The following IMMP2L variants were observed in gnomAD, a reference collection of about 807,000 sequenced individuals.
The protein encoded by IMMP2L is inner mitochondrial membrane peptidase subunit 2, also known as mitochondrial inner membrane protease subunit 2.
Under a neutral mutation model 19.3 loss-of-function variants are expected in IMMP2L, and 18 were observed. The ratio of observed to expected loss-of-function variants is 0.93; its 90% CI spans 0.64 to 1.38. IMMP2L has a LOEUF of 1.38. Ranked by LOEUF, IMMP2L falls within the 40% of genes most tolerant of loss-of-function variation. The pLI is 0.00. For missense variants in IMMP2L, 233 were observed against 218.2 expected (o/e 1.07, Z -0.43); for synonymous variants, 76 against 73.0 (o/e 1.04, Z -0.21).
At chr7:111,064,085 A>C (rs961155894) in intron 3 of IMMP2L, among the ~76,000 whole-genome samples, 3 of 152,140 alleles carry the variant, frequency 2.0e-5, no homozygotes, top group Non-Finnish European at 4.4e-5. Flanking sequence ...GAGGCTGGGA[A>C]ATTTATAAAA....
intron 5 of IMMP2L, among the ~76,000 whole-genome samples, chr7:110,869,686 G>A (rs1344252054): frequency 6.6e-6 from 1 of 152,132 alleles, no homozygotes; most frequent in Admixed American, 6.6e-5. Flanking sequence ...AAGGAAGCCA[G>A]AAAATCTCTA....
At position 110,777,499 on chromosome 7, in the gene IMMP2L, T is replaced by C. The variant is rs573895009; in HGVS notation, c.408+109094A>G. Among the ~76,000 whole-genome samples the C allele has an allele frequency of 5.9e-5, 9 of 152,082 alleles. No homozygotes were observed. In the South Asian group the frequency reaches 1.7e-3, roughly 28 times the overall value. ...TGCTGTTCCAATAAGACCCCGTAAATCGAAGTTTCTTTAGCCCGTTAATTT... is the reference window on the plus strand; with the variant it reads ...TGCTGTTCCAATAAGACCCCGTAAACCGAAGTTTCTTTAGCCCGTTAATTT... On this transcript the variant is annotated intron_variant, in intron 5 of 5. Transcript: ENST00000405709.
chr7:111,124,281 C>T lies in IMMP2L; in HGVS notation c.240-160716G>A, dbSNP rs770466579. 153 of 1,613,768 alleles carry T rather than the reference C, an allele frequency of 9.5e-5. 6 individuals carry two copies. The Middle Eastern group carries it at 6.8e-3, about 71-fold the overall frequency. On this transcript the variant is annotated intron_variant, in intron 3 of 5. Transcript: ENST00000405709. ...CTTGTATAGCAACTAACCTAGTTGGCGCTGACTTGAAGTCTGTTATGATCA... is the reference window on the plus strand; with the variant it reads ...CTTGTATAGCAACTAACCTAGTTGGTGCTGACTTGAAGTCTGTTATGATCA...
chr7:111,420,038 T>C (rs1002332778), intron 3 of IMMP2L, among the ~76,000 whole-genome samples: 48 of 151,970 alleles, frequency 3.2e-4, no homozygotes, highest in East Asian at 1.2e-3. Context: ...TAAGAATGTA[T>C]TTAATGTCAT....
chr7:110,722,210 T>C (rs780184974), intron 5 of IMMP2L, among the ~76,000 whole-genome samples: 4 of 151,788 alleles, frequency 2.6e-5, no homozygotes, highest in Non-Finnish European at 4.4e-5. Flanking sequence ...ACCTGAAGGG[T>C]GTTGAGTAAT....
intron 3 of IMMP2L, among the ~76,000 whole-genome samples, chr7:111,443,468 T>A (rs1009911920): frequency 1.3e-5 from 2 of 152,146 alleles, no homozygotes; most frequent in Admixed American, 6.6e-5. Flanking sequence ...ATTTCCAGAA[T>A]GCCTAGTAAG....
chr7:111,197,137 G>A (rs992819329), intron 3 of IMMP2L, among the ~76,000 whole-genome samples: 1 of 151,904 alleles, frequency 6.6e-6, no homozygotes, highest in Non-Finnish European at 1.5e-5. Context: ...CTCTTACAAC[G>A]ATCACATAAG....
At position 110,856,812 on chromosome 7, in the gene IMMP2L, C is replaced by G. The variant is rs956203650; in HGVS notation, c.408+29781G>C. On this transcript the variant is annotated intron_variant, in intron 5 of 5. Coordinates refer to ENST00000405709, the MANE Select transcript of IMMP2L (RefSeq NM_032549.4). ...AATAACAACTCAGTAGTTTAGGCTT[C>G]CTAAATGCTGATGAGATGGCTTGGT... Among the ~76,000 whole-genome samples, 7 of 152,024 alleles carry G rather than the reference C, an allele frequency of 4.6e-5. 1 individual carries two copies. The highest frequency in any genetic ancestry group is 1.0e-4 in the Non-Finnish European group (7 of 67,978).
At chr7:111,255,452 T>C (rs939149305) in intron 3 of IMMP2L, among the ~76,000 whole-genome samples, 1 of 152,054 alleles carries the variant, frequency 6.6e-6, no homozygotes, top group African/African-American at 2.4e-5. Flanking sequence ...TGATTCATTA[T>C]AGTATTTTTT....
At chr7:110,738,367 C>T (rs537407053) in intron 5 of IMMP2L, among the ~76,000 whole-genome samples, 5 of 152,066 alleles carry the variant, frequency 3.3e-5, no homozygotes, top group East Asian at 1.9e-4. Context: ...AAATAAAAAA[C>T]AATCACAACT....
intron 3 of IMMP2L, among the ~76,000 whole-genome samples, chr7:111,447,276 T>C (rs924873811): frequency 8.9e-6 from 1 of 112,150 alleles, no homozygotes; most frequent in African/African-American, 4.0e-5. Flanking sequence ...AAAGTTGAAA[T>C]GAAGGAAAAA....
rs1227917639 is a variant in IMMP2L at position 110,949,665 on chromosome 7, G to A, written c.305+13835C>T. 2.0e-5 allele frequency among the ~76,000 whole-genome samples: 3 copies of A among 152,172 alleles called. No individual in the cohort carries two copies. In the South Asian group the frequency reaches 6.2e-4, roughly 32 times the overall value. On this transcript the variant is annotated intron_variant, in intron 4 of 5. Transcript: ENST00000405709. ...GTTGAATAGATTTCTCAGATAGTAT[G>A]GCCTGCAAAACCAAGCCTATATACT...
At chr7:110,790,383 T>C (rs180675567) in intron 5 of IMMP2L, among the ~76,000 whole-genome samples, 6 of 151,766 alleles carry the variant, frequency 4.0e-5, no homozygotes, top group Admixed American at 3.9e-4. Flanking sequence ...TTTTAAAAGA[T>C]TATTCTGGAT....
intron 3 of IMMP2L, among the ~76,000 whole-genome samples, chr7:111,337,246 GTTTAT>G (rs1449552246): frequency 4.6e-5 from 7 of 151,762 alleles, no homozygotes; most frequent in African/African-American, 1.5e-4. Context: ...ACACTAAATA[GTTTAT>G]TTTAACTTAG....
intron 3 of IMMP2L, among the ~76,000 whole-genome samples, chr7:111,107,019 A>G (rs1351033396): frequency 6.6e-6 from 1 of 152,020 alleles, no homozygotes; most frequent in East Asian, 1.9e-4. Flanking sequence ...TGTAAATCCT[A>G]GAAAACAATC....
rs139320175 is a variant in IMMP2L, at chr7:111,364,009, C to A, written c.239+123229G>T. Among the ~76,000 whole-genome samples the A allele has an allele frequency of 3.9e-5, 6 of 151,954 alleles. 1 individual carries two copies. Among genetic ancestry groups the A allele is most frequent in the African/African-American group, 1.4e-4 (6 of 41,432 alleles). ...AACTTTCATGTAAGATCCCCCCCCACACACACACATCTACCCCTTTATACA... is the reference window on the plus strand; with the variant it reads ...AACTTTCATGTAAGATCCCCCCCCAAACACACACATCTACCCCTTTATACA... On this transcript the variant is annotated intron_variant, in intron 3 of 5. Coordinates refer to ENST00000405709, the MANE Select transcript of IMMP2L (RefSeq NM_032549.4).
At chr7:110,892,903 T>C (rs532981300) in intron 4 of IMMP2L, among the ~76,000 whole-genome samples, 73 of 152,248 alleles carry the variant, frequency 4.8e-4, no homozygotes, top group South Asian at 8.3e-4. Context: ...TTTCTTCATG[T>C]CTCTCTGTGA....
At chr7:111,210,151 T>G (rs1370949237) in intron 3 of IMMP2L, among the ~76,000 whole-genome samples, 1 of 152,214 alleles carries the variant, frequency 6.6e-6, no homozygotes, top group Non-Finnish European at 1.5e-5. Context: ...TTTGCTTTCT[T>G]GACTCTCTGC....
At chr7:110,741,962 C>G (rs1249042611) in intron 5 of IMMP2L, among the ~76,000 whole-genome samples, 1 of 152,100 alleles carries the variant, frequency 6.6e-6, no homozygotes, top group African/African-American at 2.4e-5. Context: ...TCTAGAAAGT[C>G]TTAGGGGTGT....
Sources: allele counts gnomAD v4.1 joint callset (sites outside exome capture counted in the v4.1 genomes callset), GRCh38; gene constraint gnomAD v4.1.1; transcripts MANE v1.5; gene names NCBI Gene and HGNC (gene_info 2026-07-23, HGNC 2026-07-21).